The following DDX3X variants were observed in gnomAD, a reference collection of about 807,000 sequenced individuals.
DDX3X encodes ATP-dependent RNA helicase DDX3X.
A neutral mutation model predicts 52.7 loss-of-function variants in DDX3X; 4 were observed. The ratio of observed to expected loss-of-function variants is 0.08; its 90% confidence interval spans 0.04 to 0.17. The LOEUF is 0.17. DDX3X is among the 10% of genes least tolerant of loss of function. The probability of loss-of-function intolerance (pLI) is 1.00; values close to 1 mark genes in which losing one functional copy is unlikely to be tolerated. For synonymous variants in DDX3X, 192 were observed against 178.1 expected (o/e 1.08, Z -0.62); for missense variants, 222 against 548.6 (o/e 0.40, Z 5.95).
At chrX:41,345,943 A>C (rs1272463147) in intron 12 of DDX3X, 10 of 319,401 alleles carry the variant, frequency 3.1e-5, no homozygotes, top group Admixed American at 2.8e-4. Context: ...GGTACAGTGC[A>C]TGTAGTCCCA....
chrX:41,356,366 C>T (rs1031506146), intron 5 of DDX3X, among the ~76,000 whole-genome samples: 24 of 108,861 alleles, frequency 2.2e-4, no homozygotes, highest in Non-Finnish European at 1.9e-5. Flanking sequence ...AAGTTAGTCT[C>T]AAACTCCTGA....
At chrX:41,347,131 T>A in intron 15 of DDX3X, 119 bp downstream of exon 15, 4 of 940,234 alleles carry the variant, frequency 4.3e-6, no homozygotes, top group Non-Finnish European at 4.4e-6. Flanking sequence ...TTAATCATCT[T>A]AGGCTTCCTA....
chrX:41,342,536 G>A lies in DDX3X; in HGVS notation c.326G>A (p.Ser109Asn). Residue 109 changes from serine (S) to asparagine (N), a missense_variant, in exon 5 of 17, where the codon AGC becomes AAC. By Grantham distance (46) the Ser-to-Asn change is conservative. Around this residue, in one of 5 missense-constraint regions of DDX3X, gnomAD observed 93 missense variants for 123.7 expected, o/e 0.75. Coordinates refer to ENST00000644876, the MANE Select transcript of DDX3X (RefSeq NM_001356.5). The stretch of plus-strand genomic sequence containing the variant: ...CGGAGTGATTACGATGGCATTGGCA[G>A]CCGTGGTGACAGAAGTGGCTTTGGC... ...RGRSDYDGIG[S>N]RGDRSGFGKF... 8.3e-7 allele frequency: 1 copy of A among 1,211,768 alleles called. No individual in the cohort carries two copies. The highest frequency in any genetic ancestry group is 3.0e-5 in the East Asian group (1 of 33,866).
chrX:41,334,185 G>C lies in DDX3X; in HGVS notation c.-68G>C, dbSNP rs1335685155. The C allele has an allele frequency of 2.8e-6, 3 of 1,090,433 alleles. No homozygotes were observed. Among genetic ancestry groups the C allele is most frequent in the Admixed American group, 2.4e-5 (1 of 41,973 alleles). The allele number at this position is 1,090,433 out of a possible 1,213,427, so 89.9% of individuals were successfully genotyped here. Reference sequence around the variant, plus strand: ...CCAGAGCCGCAGTTCTCCCGTGAGAGGGCCTTCGCGGTGGAACAAACACTC... The same window carrying C: ...CCAGAGCCGCAGTTCTCCCGTGAGACGGCCTTCGCGGTGGAACAAACACTC... On this transcript the variant is annotated 5_prime_UTR_variant, in exon 1 of 17. Transcript: ENST00000644876.
At position 41,343,111 on chromosome X, in the gene DDX3X, T is replaced by A. The variant is rs971167527; in HGVS notation, c.544-105T>A. 9.4e-6 allele frequency: 9 copies of A among 957,164 alleles called. No homozygotes were observed. In the Admixed American group the frequency reaches 9.8e-5, roughly 10 times the overall value. The allele number at this position is 957,164 out of a possible 1,213,427, so 78.9% of individuals were successfully genotyped here. On this transcript the variant is annotated intron_variant, in intron 6 of 16. Transcript: ENST00000644876. Reference sequence around the variant, plus strand: ...TATAATGTGATAATTTTACTTAAACTATAAACTGAGTTACCAATCAGCTGT... The same window carrying A: ...TATAATGTGATAATTTTACTTAAACAATAAACTGAGTTACCAATCAGCTGT...
chrX:41,356,738 C>T (rs922559805), intron 5 of DDX3X, among the ~76,000 whole-genome samples: 5 of 109,966 alleles, frequency 4.5e-5, no homozygotes, highest in African/African-American at 1.6e-4. Context: ...GTTGGGATTA[C>T]GGGCGTGAGC....
chrX:41,356,606 A>C (rs1304588146), intron 5 of DDX3X, among the ~76,000 whole-genome samples: 1 of 107,377 alleles, frequency 9.3e-6, no homozygotes, highest in African/African-American at 3.4e-5. Context: ...CTACAGGCGC[A>C]CACCACCACA....
downstream of DDX3X, chrX:41,351,133 C>T (rs1173817174): frequency 9.0e-6 from 1 of 111,436 alleles, no homozygotes; most frequent in African/African-American, 3.3e-5. Flanking sequence ...ATTGGATAGT[C>T]AATGGCTGAA....
At chrX:41,354,563 A>G (rs1189323661), downstream of DDX3X, among the ~76,000 whole-genome samples, 1 of 107,310 alleles carries the variant, frequency 9.3e-6, no homozygotes, top group Non-Finnish European at 1.9e-5. Flanking sequence ...TCCTCAAGTG[A>G]TCCTCCTGCC....
chrX:41,347,195 A>G, intron 15 of DDX3X, 117 bp from the exon 16 acceptor site: 1 of 971,502 alleles, frequency 1.0e-6, no homozygotes, highest in South Asian at 2.3e-5. Context: ...TGGGGAAAAT[A>G]TGGCTGGATG....
At chrX:41,362,883 G>A (rs1226849761) in intron 5 of DDX3X, among the ~76,000 whole-genome samples, 2 of 111,309 alleles carry the variant, frequency 1.8e-5, no homozygotes, top group Non-Finnish European at 3.8e-5. Flanking sequence ...AGGTAGACAC[G>A]TTCTTCCTGG....
chrX:41,338,972 AGAAATTTAAATGG>A (rs909187025), intron 2 of DDX3X, 51 bp from the exon 3 acceptor site: 1 of 507,021 alleles, frequency 2.0e-6, no homozygotes. Context: ...TTTTAGTAAC[AGAAATTTAAATGG>A]GAAGGTTTTT....
Position 41,339,091 on chromosome X carries a change from C to G in DDX3X, c.151+8C>G. Reference sequence around the variant, plus strand: ...ACCGAGAAGCTACTAAAGGTAGGTCCTCACAAGTAACTTCGTAGGTCTATT... The same window carrying G: ...ACCGAGAAGCTACTAAAGGTAGGTCGTCACAAGTAACTTCGTAGGTCTATT... On this transcript the variant is annotated splice_region_variant and intron_variant, in intron 3 of 16. Coordinates refer to ENST00000644876, the MANE Select transcript of DDX3X (RefSeq NM_001356.5). The G allele has an allele frequency of 9.4e-7, 1 of 1,064,248 alleles. No individual in the cohort carries two copies. The allele number at this position is 1,064,248 out of a possible 1,213,427, so 87.7% of individuals were successfully genotyped here.
chrX:41,345,077 C>T (rs1358603780), intron 10 of DDX3X, 103 bp from the exon 11 acceptor site: 4 of 787,797 alleles, frequency 5.1e-6, no homozygotes, highest in Admixed American at 5.4e-5. Context: ...ATTGTAATAA[C>T]CTATACAATT....
At chrX:41,343,133 C>A in intron 6 of DDX3X, 83 bp from the exon 7 acceptor site, 1 of 1,037,512 alleles carries the variant, frequency 9.6e-7, no homozygotes, top group Non-Finnish European at 1.3e-6. Context: ...TACCAATCAG[C>A]TGTTGGTTGG....
chrX:41,349,900 G>GTTT lies in DDX3X; in HGVS notation c.*2194_*2196dup, dbSNP rs745349949. The GTTT allele has an allele frequency of 3.7e-3, 324 of 86,905 alleles. 2 individuals carry two copies. Among genetic ancestry groups the GTTT allele is most frequent in the Non-Finnish European group, 5.3e-3 (226 of 42,689 alleles). The allele number at this position is 86,905 out of a possible 1,213,427, so 7.2% of individuals were successfully genotyped here. ...TTGTGTGGATTTTGTTTAGTTGTGT[G>GTTT]TTTTTTTTTTTTTTTCAGTGAATGT... On this transcript the variant is annotated 3_prime_UTR_variant, in exon 17 of 17. Coordinates refer to ENST00000644876, the MANE Select transcript of DDX3X (RefSeq NM_001356.5).
At chrX:41,356,927 TTC>T (rs1457550326) in intron 5 of DDX3X, among the ~76,000 whole-genome samples, 1 of 90,759 alleles carries the variant, frequency 1.1e-5, no homozygotes, top group African/African-American at 4.3e-5. Context: ...ATCACACTAA[TTC>T]TTTTTTTTTT....
At chrX:41,350,789 C>T (rs1195490715), downstream of DDX3X, 1 of 111,718 alleles carries the variant, frequency 9.0e-6, no homozygotes, top group Admixed American at 9.6e-5. Context: ...GACATCTATG[C>T]TTACTGTACA....
In DDX3X at chrX:41,343,852, G is replaced by A. The variant is rs1301951064; in HGVS notation, c.765+30G>A. On this transcript the variant is annotated intron_variant, in intron 8 of 16. Coordinates refer to ENST00000644876, the MANE Select transcript of DDX3X (RefSeq NM_001356.5). ...ATGTTTCTTTATAAAATGGGAAATT[G>A]TAGAACTTTGTAGGTGGCCATTGAG... The A allele has an allele frequency of 4.5e-6, 5 of 1,119,467 alleles. No individual in the cohort carries two copies. In the African/African-American group the frequency reaches 7.3e-5, roughly 16 times the overall value. 92.3% of individuals were successfully genotyped at this position (1,119,467 alleles called of 1,213,427 possible). A position where few individuals can be genotyped will look rare whatever the true frequency, so the allele number is the denominator to read the frequency against.
Sources: allele counts gnomAD v4.1 joint callset (sites outside exome capture counted in the v4.1 genomes callset), GRCh38; gene constraint gnomAD v4.1.1; regional missense constraint gnomAD v4.1.1; transcripts MANE v1.5; gene names NCBI Gene and HGNC (gene_info 2026-07-23, HGNC 2026-07-21).